The following COL23A1 variants were observed in gnomAD, a reference collection of about 807,000 sequenced individuals.
COL23A1 encodes the protein collagen alpha-1(XXIII) chain.
In COL23A1, 97 loss-of-function variants were observed where a neutral mutation model predicts 99.3. The observed-to-expected ratio is 0.98, with a 90% confidence interval of 0.83 to 1.16. COL23A1 has a LOEUF of 1.16. Among genes scored for constraint, COL23A1 ranks in the 50% most tolerant of loss-of-function variants. The probability of loss-of-function intolerance (pLI) is 0.00; values close to 1 mark genes in which losing one functional copy is unlikely to be tolerated. For synonymous variants in COL23A1, 320 were observed against 308.2 expected, an observed-to-expected ratio of 1.04 and a Z score of -0.40; for missense variants, 762 against 757.4, an observed-to-expected ratio of 1.01 and a Z score of -0.07.
At position 178,403,134 on chromosome 5, in the gene COL23A1, A is replaced by AT. The variant is rs1355029045; in HGVS notation, c.362-96216_362-96215insA. ...AAAAAAAAAAAAAATAAATAAATAA[A>AT]AAATAAATACCATTTACCGAAATCT... On this transcript the variant is annotated intron_variant, in intron 2 of 28. Transcript: ENST00000390654. 8.3e-4 allele frequency among the ~76,000 whole-genome samples: 121 copies of AT among 146,404 alleles called. 3 individuals carry two copies. The highest frequency in any genetic ancestry group is 3.0e-3 in the African/African-American group (115 of 38,068).
chr5:178,405,750 A>C (rs1764730032), intron 2 of COL23A1, among the ~76,000 whole-genome samples: 1 of 152,254 alleles, frequency 6.6e-6, no homozygotes. Flanking sequence ...ATGAGAACAA[A>C]CTAAAAACCA....
chr5:178,522,385 C>G (rs1033724514), intron 2 of COL23A1, among the ~76,000 whole-genome samples: 1 of 152,108 alleles, frequency 6.6e-6, no homozygotes, highest in African/African-American at 2.4e-5. Flanking sequence ...AGTCCCAGTC[C>G]GCACAGACAT....
intron 20 of COL23A1, 111 bp from the exon 21 acceptor site, chr5:178,247,942 G>T: frequency 9.9e-7 from 1 of 1,009,554 alleles, no homozygotes; most frequent in Non-Finnish European, 1.5e-6. Context: ...GCCCCCCAGA[G>T]GGCAGAGTCT....
In COL23A1 at chr5:178,496,544, A is replaced by C. The variant is rs1581504093; in HGVS notation, c.361+64138T>G. 2.0e-5 allele frequency among the ~76,000 whole-genome samples: 3 copies of C among 152,252 alleles called. No homozygotes were observed. The East Asian group carries it at 5.8e-4, about 29-fold the overall frequency. ...TTAAGAATACATGGGAAGAAAATGT[A>C]AATGTAAAATATTTATAAACTTTAA... On this transcript the variant is annotated intron_variant, in intron 2 of 28. Transcript: ENST00000390654.
Position 178,517,870 on chromosome 5 carries a change from GTTCTT to G in COL23A1, c.361+42807_361+42811del, listed in dbSNP as rs1562045259. Among the ~76,000 whole-genome samples, 3 of 81,938 alleles carry G rather than the reference GTTCTT, an allele frequency of 3.7e-5. 1 individual carries two copies. In the Admixed American group the frequency reaches 4.4e-4, roughly 12 times the overall value. 53.8% of individuals were successfully genotyped at this position (81,938 alleles called of 152,430 possible). A position where few individuals can be genotyped will look rare whatever the true frequency, so the allele number is the denominator to read the frequency against. ...CCGCCGTGCCTGGCCAGCAACAGCG[GTTCTT>G]TTTTTTTTTTTTTTTTTTTTTTTTT... On this transcript the variant is annotated intron_variant, in intron 2 of 28. Transcript: ENST00000390654.
intron 5 of COL23A1, among the ~76,000 whole-genome samples, chr5:178,287,804 C>A (rs1290439881): frequency 6.6e-6 from 1 of 152,244 alleles, no homozygotes; most frequent in Admixed American, 6.5e-5. Context: ...AGCCACGCTG[C>A]GTCTTGCTGC....
At chr5:178,466,252 G>T (rs1756416199) in intron 2 of COL23A1, among the ~76,000 whole-genome samples, 2 of 151,470 alleles carry the variant, frequency 1.3e-5, no homozygotes, top group Non-Finnish European at 2.9e-5. Context: ...GACCTGTGGG[G>T]GTGGTGAGGA....
At chr5:178,300,834 G>A (rs1451557395) in intron 3 of COL23A1, among the ~76,000 whole-genome samples, 1 of 152,140 alleles carries the variant, frequency 6.6e-6, no homozygotes, top group African/African-American at 2.4e-5. Flanking sequence ...AAAGTGCTGG[G>A]ATTACAGGCG....
At chr5:178,244,936 TC>T (rs1279398098) in intron 25 of COL23A1, among the ~76,000 whole-genome samples, 1 of 151,486 alleles carries the variant, frequency 6.6e-6, no homozygotes, top group Non-Finnish European at 1.5e-5. Flanking sequence ...CATCCATCCA[TC>T]CATCCATCCC....
intron 2 of COL23A1, among the ~76,000 whole-genome samples, chr5:178,379,891 AAAAAG>A (rs1763287085): frequency 1.3e-5 from 2 of 151,904 alleles, no homozygotes; most frequent in Non-Finnish European, 2.9e-5. Context: ...CAAAAAAAAA[AAAAAG>A]AAAAGAAAAA....
At chr5:178,363,287 T>C (rs192316632) in intron 2 of COL23A1, among the ~76,000 whole-genome samples, 16 of 152,132 alleles carry the variant, frequency 1.1e-4, no homozygotes, top group Admixed American at 9.2e-4. Flanking sequence ...CCTCTTGTTA[T>C]CTGCTAATTT....
At chr5:178,348,127 C>T (rs531885358) in intron 2 of COL23A1, among the ~76,000 whole-genome samples, 16 of 152,082 alleles carry the variant, frequency 1.1e-4, no homozygotes, top group African/African-American at 3.6e-4. Context: ...CGCCCCTGTT[C>T]CCATCCAGCT....
At chr5:178,449,831 C>T (rs752933267) in intron 2 of COL23A1, among the ~76,000 whole-genome samples, 1 of 152,208 alleles carries the variant, frequency 6.6e-6, no homozygotes, top group African/African-American at 2.4e-5. Flanking sequence ...GCATCCAGCG[C>T]CGGTTAGTAA....
At chr5:178,357,990 G>A (rs968143883) in intron 2 of COL23A1, among the ~76,000 whole-genome samples, 2 of 149,662 alleles carry the variant, frequency 1.3e-5, no homozygotes, top group African/African-American at 2.5e-5. Context: ...ATGTGTGTAT[G>A]CGTGTGTGTA....
intron 2 of COL23A1, among the ~76,000 whole-genome samples, chr5:178,383,028 C>T (rs1266693544): frequency 6.6e-6 from 1 of 152,076 alleles, no homozygotes; most frequent in Non-Finnish European, 1.5e-5. Flanking sequence ...GAAAAGCTGA[C>T]AGGAGCCAGG....
chr5:178,348,651 C>T (rs1413694421), intron 2 of COL23A1, among the ~76,000 whole-genome samples: 1 of 152,194 alleles, frequency 6.6e-6, no homozygotes, highest in African/African-American at 2.4e-5. Flanking sequence ...AGCATTCTGC[C>T]TCAGGAGGGG....
intron 2 of COL23A1, among the ~76,000 whole-genome samples, chr5:178,487,442 C>T (rs1365683521): frequency 6.6e-6 from 1 of 152,114 alleles, no homozygotes; most frequent in African/African-American, 2.4e-5. Context: ...GCCTCAGCCT[C>T]CTGAGTAGCT....
chr5:178,475,447 G>A (rs1220443519), intron 2 of COL23A1, among the ~76,000 whole-genome samples: 1 of 152,158 alleles, frequency 6.6e-6, no homozygotes, highest in South Asian at 2.1e-4. Flanking sequence ...CCGAGGCAGA[G>A]GTGCTGAGCC....
intron 8 of COL23A1, among the ~76,000 whole-genome samples, chr5:178,264,459 T>A (rs1198162788): frequency 6.6e-6 from 1 of 151,954 alleles, no homozygotes; most frequent in Non-Finnish European, 1.5e-5. Flanking sequence ...CCCCACCTCA[T>A]GGCCCAACCC....
Sources: gnomAD v4.1 joint callset for allele counts (sites outside exome capture counted in the v4.1 genomes callset) on GRCh38, gnomAD v4.1.1 for gene constraint, MANE v1.5 for transcripts, NCBI Gene and HGNC (gene_info 2026-07-23, HGNC 2026-07-21) for gene names.